Variants in XKR9 observed in about 807,000 individuals in gnomAD.
XKR9 encodes XK related 9.
In XKR9, 32 loss-of-function variants were observed where a neutral mutation model predicts 32.0. That is an observed-to-expected ratio of 1.00 (90% CI 0.76 to 1.34). The LOEUF is 1.34. Among genes scored for constraint, XKR9 ranks in the 40% most tolerant of loss-of-function variants. XKR9 has a pLI of 0.00. For missense variants in XKR9, 546 were observed against 429.7 expected (o/e 1.27, Z -2.39); for synonymous variants, 168 against 143.4 (o/e 1.17, Z -1.22).
chr8:70,740,485 G>A (rs999013740), downstream of XKR9, among the ~76,000 whole-genome samples: 5 of 152,104 alleles, frequency 3.3e-5, no homozygotes, highest in African/African-American at 7.2e-5. Flanking sequence ...GTCATTCTCT[G>A]TCCAGCTTTG....
At chr8:70,865,534 G>A in the XKR9 span, among the ~76,000 whole-genome samples, 1 of 151,522 alleles carries the variant, frequency 6.6e-6, no homozygotes, top group Non-Finnish European at 1.5e-5. Flanking sequence ...TTTTTTTAAA[G>A]TTTTGTTTTC....
the XKR9 span, among the ~76,000 whole-genome samples, chr8:71,020,373 A>G: frequency 3.3e-5 from 5 of 152,184 alleles, no homozygotes; most frequent in Admixed American, 6.5e-5. Flanking sequence ...TTTTCCAACA[A>G]TAGCCGTGGT....
At chr8:70,968,402 A>G in the XKR9 span, among the ~76,000 whole-genome samples, 1 of 152,162 alleles carries the variant, frequency 6.6e-6, no homozygotes, top group African/African-American at 2.4e-5. Flanking sequence ...AGCTCAGTGA[A>G]GTTCATCATT....
intron 4 of XKR9, among the ~76,000 whole-genome samples, chr8:70,722,543 C>T (rs1806318015): frequency 1.3e-5 from 2 of 152,084 alleles, no homozygotes; most frequent in African/African-American, 4.8e-5. Flanking sequence ...TTTTATTTCT[C>T]CTTTACTTAT....
chr8:70,724,327 G>A (rs1398469081), intron 4 of XKR9, among the ~76,000 whole-genome samples: 1 of 151,882 alleles, frequency 6.6e-6, no homozygotes, highest in African/African-American at 2.4e-5. Flanking sequence ...CTCCCTGGGT[G>A]TAGGACCCAC....
intron 3 of XKR9, among the ~76,000 whole-genome samples, chr8:70,687,814 C>T (rs1201334217): frequency 1.3e-5 from 2 of 152,098 alleles, no homozygotes; most frequent in Non-Finnish European, 2.9e-5. Flanking sequence ...AGATAACATA[C>T]TCTTATGATT....
At chr8:70,861,332 G>C in the XKR9 span, among the ~76,000 whole-genome samples, 3 of 151,994 alleles carry the variant, frequency 2.0e-5, no homozygotes, top group Non-Finnish European at 4.4e-5. Flanking sequence ...GTAAAATGGA[G>C]ATTATAATAA....
the XKR9 span, among the ~76,000 whole-genome samples, chr8:70,946,248 A>G: frequency 3.3e-5 from 5 of 152,214 alleles, no homozygotes; most frequent in Non-Finnish European, 4.4e-5. Context: ...AGCAGACACT[A>G]TAGATATGTG....
chr8:70,754,738 C>T (rs1392577384), intron 2 of XKR9, among the ~76,000 whole-genome samples: 3 of 151,152 alleles, frequency 2.0e-5, no homozygotes, highest in Admixed American at 6.6e-5. Flanking sequence ...GGATCCCTTC[C>T]TTACACCTTA....
At chr8:70,988,614 C>T in the XKR9 span, among the ~76,000 whole-genome samples, 1 of 152,104 alleles carries the variant, frequency 6.6e-6, no homozygotes, top group African/African-American at 2.4e-5. Context: ...AGCCTCAGTG[C>T]CTATTTTGTT....
At chr8:70,702,828 G>C (rs933187588) in intron 3 of XKR9, among the ~76,000 whole-genome samples, 1 of 152,040 alleles carries the variant, frequency 6.6e-6, no homozygotes, top group Admixed American at 6.6e-5. Context: ...ACATGAATTT[G>C]TATCTTGCTT....
At chr8:70,689,347 T>A (rs1462548408) in intron 3 of XKR9, among the ~76,000 whole-genome samples, 1 of 151,668 alleles carries the variant, frequency 6.6e-6, no homozygotes, top group Non-Finnish European at 1.5e-5. Context: ...GACTATATAC[T>A]CTCTTGGTAA....
intron 3 of XKR9, among the ~76,000 whole-genome samples, chr8:70,699,271 C>G (rs1275412784): frequency 2.6e-5 from 4 of 152,260 alleles, no homozygotes; most frequent in African/African-American, 9.6e-5. Context: ...CAGTTTCTTC[C>G]TAGCCTCGAT....
the XKR9 span, among the ~76,000 whole-genome samples, chr8:70,989,802 A>T: frequency 6.6e-6 from 1 of 152,314 alleles, no homozygotes; most frequent in South Asian, 2.1e-4. Context: ...TCATCAACCT[A>T]AACAGAAACT....
intron 4 of XKR9, among the ~76,000 whole-genome samples, chr8:70,719,291 A>G (rs943318050): frequency 9.2e-5 from 14 of 152,162 alleles, no homozygotes; most frequent in Non-Finnish European, 1.9e-4. Flanking sequence ...TTTGCTGTGC[A>G]GAGCCTCTTT....
chr8:70,967,576 T>G, the XKR9 span, among the ~76,000 whole-genome samples: 1 of 152,138 alleles, frequency 6.6e-6, no homozygotes, highest in Non-Finnish European at 1.5e-5. Flanking sequence ...CTGGTACCAG[T>G]TTTTCCTTTT....
downstream of XKR9, among the ~76,000 whole-genome samples, chr8:70,792,229 G>A (rs544059863): frequency 6.6e-6 from 1 of 152,094 alleles, no homozygotes; most frequent in South Asian, 2.1e-4. Context: ...TGGGCATTAT[G>A]GGGAAACAAA....
chr8:70,776,947 C>CTATATATATATA lies in XKR9; in HGVS notation n.353-12386_353-12375dup, dbSNP rs1554556847. ...TTTCTCTCTCTCTCTCTCTCTCTCT[C>CTATATATATATA]TATATATATATATATATGTATGTAT... On this transcript the variant is annotated intron_variant and non_coding_transcript_variant, in intron 2 of 3. Transcript: ENST00000520273. 6.1e-4 allele frequency among the ~76,000 whole-genome samples: 33 copies of CTATATATATATA among 54,204 alleles called. 1 individual carries two copies. Among genetic ancestry groups the CTATATATATATA allele is most frequent in the African/African-American group, 2.4e-3 (30 of 12,602 alleles). The allele number at this position is 54,204 out of a possible 152,430, so 35.6% of individuals were successfully genotyped here.
chr8:70,737,375 C>T (rs1238902740), downstream of XKR9, among the ~76,000 whole-genome samples: 2 of 148,154 alleles, frequency 1.3e-5, no homozygotes, highest in South Asian at 4.2e-4. Flanking sequence ...TGGGCTGAGA[C>T]AATGGGGTTT....
Sources: gnomAD v4.1 joint callset for allele counts (sites outside exome capture counted in the v4.1 genomes callset) on GRCh38, gnomAD v4.1.1 for gene constraint, MANE v1.5 for transcripts, NCBI Gene and HGNC (gene_info 2026-07-23, HGNC 2026-07-21) for gene names.